The following NAV1 variants were observed in gnomAD, a reference collection of about 807,000 sequenced individuals.
NAV1 encodes the protein neuron navigator 1, also known as pore membrane and/or filament interacting like protein 3.
Under a neutral mutation model 175.2 loss-of-function variants are expected in NAV1, and 18 were observed. The ratio of observed to expected loss-of-function variants is 0.10; its 90% CI spans 0.07 to 0.15. The LOEUF (loss-of-function observed/expected upper bound fraction) is 0.15, where lower values mean the gene tolerates loss of function less well. Among genes scored for constraint, NAV1 ranks in the 10% least tolerant of loss-of-function variants. The pLI is 1.00. For missense variants in NAV1, 1,731 were observed against 2,436.6 expected (o/e 0.71, Z 6.10); for synonymous variants, 897 against 978.7 (o/e 0.92, Z 1.56).
At chr1:201,677,683 A>C (rs1431343055) in intron 1 of NAV1, among the ~76,000 whole-genome samples, 3 of 152,174 alleles carry the variant, frequency 2.0e-5, no homozygotes, top group Non-Finnish European at 4.4e-5. Context: ...GCTGAAGTGC[A>C]GTGGCATGAT....
Position 201,664,570 on chromosome 1 carries a change from C to T in NAV1, c.757+15145C>T, listed in dbSNP as rs540163119. ...AATTGATTGTTTTATATTACTATCTCATTGTTATCTACCCACTCCACTATG... is the reference window on the plus strand; with the variant it reads ...AATTGATTGTTTTATATTACTATCTTATTGTTATCTACCCACTCCACTATG... On this transcript the variant is annotated intron_variant, in intron 1 of 29. Coordinates refer to ENST00000367296, the Ensembl canonical transcript of NAV1. Among the ~76,000 whole-genome samples, 5 of 152,316 alleles carry T rather than the reference C, an allele frequency of 3.3e-5. No homozygotes were observed. In the South Asian group the frequency reaches 1.0e-3, roughly 32 times the overall value.
At chr1:201,803,857 A>G (rs973391000) in intron 16 of NAV1, 143 bp downstream of exon 20, 14 of 1,113,302 alleles carry the variant, frequency 1.3e-5, no homozygotes, top group African/African-American at 3.1e-5. Context: ...CGCTCAGAGC[A>G]TGGTCTCCCA....
At chr1:201,748,937 C>T (rs1227594569) in intron 3 of NAV1, among the ~76,000 whole-genome samples, 1 of 152,182 alleles carries the variant, frequency 6.6e-6, no homozygotes, top group African/African-American at 2.4e-5. Context: ...CACTTGAGGT[C>T]AGGAGTTCGA....
At chr1:201,655,173 G>T (rs1669350889) in intron 1 of NAV1, among the ~76,000 whole-genome samples, 1 of 152,116 alleles carries the variant, frequency 6.6e-6, no homozygotes, top group African/African-American at 2.4e-5. Flanking sequence ...GGACCCCACT[G>T]TCTGCATCTC....
Position 201,788,698 on chromosome 1 carries a change from A to G in NAV1, c.3166+60A>G. ...CCAGCTCTGCTGGGTCCCCTCACCC[A>G]CCACCTCCACTCCCACCACTCCTAC... is the stretch of plus-strand genomic sequence containing the variant. On this transcript the variant is annotated intron_variant, in intron 10 of 29. Transcript: ENST00000367296. This position sits in a 1 kb window ranked among gnomAD's most constrained non-coding sequence, Gnocchi z 5.7. The G allele has an allele frequency of 3.4e-6, 5 of 1,484,740 alleles. No homozygotes were observed. The highest frequency in any genetic ancestry group is 4.6e-6 in the Non-Finnish European group (5 of 1,089,380). 92.0% of individuals were successfully genotyped at this position (1,484,740 alleles called of 1,614,324 possible). A position where few individuals can be genotyped will look rare whatever the true frequency, so the allele number is the denominator to read the frequency against.
intron 1 of NAV1, among the ~76,000 whole-genome samples, chr1:201,550,517 T>C (rs1223528147): frequency 1.3e-5 from 2 of 152,230 alleles, no homozygotes; most frequent in Non-Finnish European, 2.9e-5. Flanking sequence ...AATTCATTTA[T>C]TAATAATTTT....
chr1:201,607,110 T>G (rs924811691), intron 2 of NAV1, among the ~76,000 whole-genome samples: 1 of 142,768 alleles, frequency 7.0e-6, no homozygotes, highest in Non-Finnish European at 1.5e-5. Flanking sequence ...TCAAATAATT[T>G]TTTTCTTTTT....
chr1:201,740,036 C>T lies in NAV1; in HGVS notation c.1226+21281C>T, dbSNP rs1411026844. 1.3e-6 allele frequency: 2 copies of T among 1,498,144 alleles called. No individual in the cohort carries two copies. Among genetic ancestry groups the T allele is most frequent in the African/African-American group, 1.4e-5 (1 of 69,812 alleles). 92.8% of individuals were successfully genotyped at this position (1,498,144 alleles called of 1,614,324 possible). On this transcript the variant is annotated intron_variant, in intron 3 of 29. Transcript: ENST00000367296. This position sits in a 1 kb window ranked among gnomAD's most constrained non-coding sequence, Gnocchi z 4.7. ...TGAGCCGGGGAAGATGCTTCATCTG[C>T]CCCTGCCCAGATCCGGAAGAACGGT...
Position 201,812,473 on chromosome 1 carries a change from C to T in NAV1, c.5033C>T (p.Thr1678Ile). 1 of 1,614,122 alleles carries T rather than the reference C, an allele frequency of 6.2e-7. No individual in the cohort carries two copies. Among genetic ancestry groups the T allele is most frequent in the Non-Finnish European group, 8.5e-7 (1 of 1,180,018 alleles). ...CCCATCCTTGGTGGCAGGATGTTGACCTTCTCCAACAACGTGGAGCCAGCC... is the reference window on the plus strand; with the variant it reads ...CCCATCCTTGGTGGCAGGATGTTGATCTTCTCCAACAACGTGGAGCCAGCC... Residue 1678 changes from threonine to isoleucine, a missense_variant, in exon 27 of 30, where the codon ACC becomes ATC. This residue lies in a region of NAV1 where 115 missense variants were observed against 269.4 expected (regional missense o/e 0.43). Transcript: ENST00000367296. This position sits in a 1 kb window ranked among gnomAD's most constrained non-coding sequence, Gnocchi z 4.6.
exon 1 of NAV1, chr1:201,649,109 C>A: frequency 6.2e-7 from 1 of 1,612,850 alleles, no homozygotes; most frequent in Non-Finnish European, 8.5e-7. Context: ...ACTCGCTCTT[C>A]CAGGCCAAGG....
At chr1:201,790,562 G>C in exon 12 of NAV1, 1 of 1,614,098 alleles carries the variant, frequency 6.2e-7, no homozygotes. Context: ...AGGCTGAGGA[G>C]AGGATGCAAT....
chr1:201,731,415 C>G (rs1672855353), intron 3 of NAV1, among the ~76,000 whole-genome samples: 1 of 152,058 alleles, frequency 6.6e-6, no homozygotes, highest in African/African-American at 2.4e-5. Flanking sequence ...TCCAGAGAAA[C>G]AAGAGTGACC....
intron 3 of NAV1, among the ~76,000 whole-genome samples, chr1:201,770,488 T>C (rs932976996): frequency 3.3e-5 from 5 of 151,904 alleles, no homozygotes; most frequent in African/African-American, 1.2e-4. Context: ...ACACTATCAC[T>C]CTCATCTTAA....
chr1:201,614,748 A>G (rs947628644), intron 2 of NAV1, among the ~76,000 whole-genome samples: 3 of 152,192 alleles, frequency 2.0e-5, no homozygotes, highest in African/African-American at 7.2e-5. Flanking sequence ...CTGTGAAGTA[A>G]GAAGCACAAT....
upstream of NAV1, among the ~76,000 whole-genome samples, chr1:201,620,355 A>G (rs964868682): frequency 6.6e-5 from 10 of 151,422 alleles, no homozygotes; most frequent in African/African-American, 2.4e-4. Context: ...GAGTATTTTC[A>G]TTGTACATAA....
intron 1 of NAV1, among the ~76,000 whole-genome samples, chr1:201,658,551 G>A (rs945701581): frequency 3.3e-5 from 5 of 152,172 alleles, no homozygotes; most frequent in African/African-American, 1.2e-4. Flanking sequence ...TAGAGAGATG[G>A]AAAAGGTGGT....
chr1:201,555,897 T>G (rs1210743070), intron 1 of NAV1, among the ~76,000 whole-genome samples: 7 of 150,704 alleles, frequency 4.6e-5, no homozygotes, highest in Admixed American at 4.6e-4. Context: ...TAATAACAGC[T>G]TCTGGGGTAC....
chr1:201,782,493 G>T lies in NAV1; in HGVS notation c.1981G>T (p.Ala661Ser). ...CAACAGTGCAGAGCCAGGATTCCTG[G>T]CTCCTGGAGCCCGTTCTAACATCCA... The change falls in exon 6 of 30, where the codon GCT (alanine) becomes TCT (serine). Residue 661 changes from alanine (A) to serine (S), a missense_variant. Around this residue, in one of 13 missense-constraint regions of NAV1, gnomAD observed 634 missense variants for 766.8 expected, o/e 0.83. Transcript: ENST00000367296. The surrounding 1 kb of genome is among the most constrained non-coding windows in gnomAD (Gnocchi z 5.4). 6.2e-7 allele frequency: 1 copy of T among 1,613,236 alleles called. No homozygotes were observed. The highest frequency in any genetic ancestry group is 8.5e-7 in the Non-Finnish European group (1 of 1,179,252).
chr1:201,714,772 G>T (rs1438934266), intron 2 of NAV1, among the ~76,000 whole-genome samples: 1 of 152,220 alleles, frequency 6.6e-6, no homozygotes. Context: ...AAAGTGCTTA[G>T]TTGCTGAGAG....
Sources: gnomAD v4.1 joint callset for allele counts (sites outside exome capture counted in the v4.1 genomes callset) on GRCh38, gnomAD v4.1.1 for gene constraint, gnomAD v4.1.1 regional missense constraint, Gnocchi (gnomAD v3.1) non-coding constraint, MANE v1.5 for transcripts, NCBI Gene and HGNC (gene_info 2026-07-23, HGNC 2026-07-21) for gene names.